The following NEB variants were observed in gnomAD, a reference collection of about 807,000 sequenced individuals.
NEB encodes the protein nebulin, also known as nemaline myopathy type 2.
A neutral mutation model predicts 952.2 loss-of-function variants in NEB; 512 were observed. That is an observed-to-expected ratio of 0.54 (90% CI 0.50 to 0.58). NEB has a LOEUF of 0.58. NEB is among the 20% of genes least tolerant of loss of function. The pLI, the probability that NEB is intolerant of heterozygous loss-of-function variation, is 0.00. For missense variants in NEB, 8,428 were observed against 9,231.1 expected, an observed-to-expected ratio of 0.91 and a Z score of 3.56; for synonymous variants, 2,900 against 3,149.8, an observed-to-expected ratio of 0.92 and a Z score of 2.66.
chr2:151,505,949 T>C, intron 164 of NEB: 1 of 587,254 alleles, frequency 1.7e-6, no homozygotes, highest in Non-Finnish European at 3.0e-6. Context: ...CACAAGCCTC[T>C]CTGTTTTTCA....
Position 151,490,467 on chromosome 2 carries a change from C to CT in NEB, c.25201dup (p.Ser8401LysfsTer6). 1.2e-6 allele frequency: 2 copies of CT among 1,608,560 alleles called. No individual in the cohort carries two copies. The highest frequency in any genetic ancestry group is 1.7e-6 in the Non-Finnish European group (2 of 1,177,594). ...AGACTTCTCCTCACCCCCACTGATG[C>CT]TTAGTGCACTGGCAGATCGTGACTG... On this transcript the variant is annotated frameshift_variant, in exon 180 of 182. Transcript: ENST00000397345. LOFTEE classifies it high-confidence loss of function.
At position 151,712,130 on chromosome 2, in the gene NEB, T is replaced by C. The variant is rs6723316; in HGVS notation, c.823-1592A>G. Among the ~76,000 whole-genome samples, 156 of 152,240 alleles carry C rather than the reference T, an allele frequency of 1.0e-3. 1 individual carries two copies. Among genetic ancestry groups the C allele is most frequent in the African/African-American group, 3.5e-3 (144 of 41,558 alleles). On this transcript the variant is annotated intron_variant, in intron 10 of 181. Transcript: ENST00000397345. ...GTTCTTGATGTACACATACCTCAGG[T>C]TAGGATCTCCTAATGCATCATTTTT...
At chr2:151,503,143 A>C in intron 166 of NEB, 1 of 593,610 alleles carries the variant, frequency 1.7e-6, no homozygotes. Flanking sequence ...TAGTATTTCA[A>C]ATCTAGTCAA....
intron 159 of NEB, 118 bp from the exon 160 acceptor site, chr2:151,513,811 C>T (rs1405278333): frequency 2.8e-6 from 2 of 717,616 alleles, no homozygotes; most frequent in Non-Finnish European, 4.7e-6. Flanking sequence ...GATAGTGTCG[C>T]TTGCTACTCT....
chr2:151,646,703 G>A (rs766044039), intron 54 of NEB, among the ~76,000 whole-genome samples: 4 of 152,196 alleles, frequency 2.6e-5, no homozygotes, highest in Non-Finnish European at 1.5e-5. Context: ...AGGCTGGAGT[G>A]CAATGGCGCA....
At chr2:151,617,654 T>A (rs1434889470) in intron 74 of NEB, among the ~76,000 whole-genome samples, 186 bp from the exon 75 acceptor site, 1 of 152,186 alleles carries the variant, frequency 6.6e-6, no homozygotes, top group African/African-American at 2.4e-5. Flanking sequence ...GTTAAAGGAC[T>A]TATCGGTTAT....
At chr2:151,534,096 C>G in intron 142 of NEB, 1 of 751,390 alleles carries the variant, frequency 1.3e-6, no homozygotes, top group Non-Finnish European at 2.2e-6. Flanking sequence ...TACTTTGAAA[C>G]AGAACAACCC....
chr2:151,635,217 TGTC>T (rs1402949957), intron 64 of NEB, among the ~76,000 whole-genome samples: 2 of 152,198 alleles, frequency 1.3e-5, no homozygotes, highest in African/African-American at 2.4e-5. Context: ...GTTATTATTA[TGTC>T]ATTATTTATT....
At position 151,562,640 on chromosome 2, in the gene NEB, C is replaced by A; in HGVS notation, c.18862G>T (p.Val6288Phe). 1 of 1,581,312 alleles carries A rather than the reference C, an allele frequency of 6.3e-7. No homozygotes were observed. The highest frequency in any genetic ancestry group is 8.7e-7 in the Non-Finnish European group (1 of 1,155,606). The change falls in exon 120 of 182, where the codon GTC becomes TTC. Residue 6288 changes from valine to phenylalanine, a missense_variant. By Grantham distance (50) the Val-to-Phe change is conservative. Around this residue, in one of 11 missense-constraint regions of NEB, gnomAD observed 3,374 missense variants for 3,651.5 expected, o/e 0.92. Transcript: ENST00000397345. ...CTCAAGATCTCCTGGGCGTTTCGGA[C>A]GCGTATAACATTGGGTTCTTCCAGA... Reference protein sequence around the residue: ...SLLEEPNVIRVRNAQEILSDN... With the variant: ...SLLEEPNVIRFRNAQEILSDN...
At position 151,498,244 on chromosome 2, in the gene NEB, T is replaced by C; in HGVS notation, c.24207+16A>G. On this transcript the variant is annotated intron_variant, in intron 170 of 181. Coordinates refer to ENST00000397345, the MANE Select transcript of NEB (RefSeq NM_001164508.2). Reference sequence around the variant, plus strand: ...TGAAGTTAAGTGGCATTTTTTCCCCTTTCTTTCCAAAATACCGAGCTAAGG... The same window carrying C: ...TGAAGTTAAGTGGCATTTTTTCCCCCTTCTTTCCAAAATACCGAGCTAAGG... 6.4e-7 allele frequency: 1 copy of C among 1,550,848 alleles called. No individual in the cohort carries two copies. Among genetic ancestry groups the C allele is most frequent in the African/African-American group, 1.4e-5 (1 of 73,146 alleles).
chr2:151,514,863 C>T lies in NEB; in HGVS notation c.22971G>A (p.Thr7657=), dbSNP rs750627350. Residue 7657 remains threonine (T), a synonymous_variant, in exon 158 of 182, where the codon ACG becomes ACA. Transcript: ENST00000397345. ...KGRNLTGLEV[T]PALLHVKYAT... ...CATATTTGACATGTAACAAAGCTGG[C>T]GTGACCTCCAGGCCAGTCAGGTTTC... The T allele has an allele frequency of 1.1e-5, 18 of 1,587,952 alleles. No individual in the cohort carries two copies. The highest frequency in any genetic ancestry group is 1.5e-5 in the Non-Finnish European group (17 of 1,165,712).
chr2:151,490,588 T>C, intron 179 of NEB, 70 bp from the exon 180 acceptor site: 1 of 1,526,720 alleles, frequency 6.5e-7, no homozygotes, highest in Non-Finnish European at 8.9e-7. Flanking sequence ...CTAACAGTGA[T>C]TGAATCTCAG....
chr2:151,537,919 G>T lies in NEB; in HGVS notation c.21055C>A (p.Arg7019Ser). 6.2e-7 allele frequency: 1 copy of T among 1,613,140 alleles called. No homozygotes were observed. The highest frequency in any genetic ancestry group is 1.1e-5 in the South Asian group (1 of 90,930). Reference sequence around the variant, plus strand: ...GCTCGGTGGTGGAAATGCTCTGGACGATCAGGAATGGACCTCCAGATACCC... The same window carrying T: ...GCTCGGTGGTGGAAATGCTCTGGACTATCAGGAATGGACCTCCAGATACCC... ...QLGIWRSIPDRPEHFHHRAVT... is the reference protein window; with the variant it reads ...QLGIWRSIPDSPEHFHHRAVT... The change falls in exon 140 of 182, where the codon CGT (arginine) becomes AGT (serine). Residue 7019 changes from arginine to serine, a missense_variant. Physicochemically the swap from Arg to Ser is moderately radical, Grantham distance 110. Coordinates refer to ENST00000397345, the MANE Select transcript of NEB (RefSeq NM_001164508.2).
chr2:151,697,235 T>C lies in NEB; in HGVS notation c.1383A>G (p.Glu461=), dbSNP rs903125703. 5 of 1,613,936 alleles carry C rather than the reference T, an allele frequency of 3.1e-6. No individual in the cohort carries two copies. Among genetic ancestry groups the C allele is most frequent in the Non-Finnish European group, 4.2e-6 (5 of 1,179,850 alleles). Residue 461 remains glutamate (E), a synonymous_variant, in exon 16 of 182, where the codon GAA becomes GAG. Transcript: ENST00000397345. The stretch of plus-strand genomic sequence containing the variant: ...AGCCTTTGCCTCTGTCTTCTTCGTA[T>C]TCTGCTTTGTAGTTTTTCTATGAGG... ...AQNSDKNYKA[E]YEEDRGKGFF...
rs376655029 is a variant in NEB at position 151,567,426 on chromosome 2, C to T, written c.17898G>A (p.Pro5966=). ...CCAGCTTAGGATCATCTCTCATCGTCGGGACACCAACATAATGACCTTTTT... is the reference window on the plus strand; with the variant it reads ...CCAGCTTAGGATCATCTCTCATCGTTGGGACACCAACATAATGACCTTTTT... ...VKQKGHYVGV[P]TMRDDPKLVW... is the part of the protein sequence containing the mutation. Residue 5966 remains proline (P), a synonymous_variant, in exon 114 of 182, where the codon CCG becomes CCA. Coordinates refer to ENST00000397345, the MANE Select transcript of NEB (RefSeq NM_001164508.2). 115 of 1,613,520 alleles carry T rather than the reference C, an allele frequency of 7.1e-5. No individual in the cohort carries two copies. The highest frequency in any genetic ancestry group is 6.3e-4 in the African/African-American group (47 of 75,018).
At chr2:151,668,592 T>C (rs1338776340) in intron 39 of NEB, among the ~76,000 whole-genome samples, 1 of 152,116 alleles carries the variant, frequency 6.6e-6, no homozygotes, top group Non-Finnish European at 1.5e-5. Flanking sequence ...TTACCACCAA[T>C]TAGATGTCTA....
rs974414435 is a variant in NEB at position 151,677,600 on chromosome 2, C to A, written c.3739G>T (p.Val1247Phe). 6.2e-7 allele frequency: 1 copy of A among 1,613,774 alleles called. No individual in the cohort carries two copies. The highest frequency in any genetic ancestry group is 1.3e-5 in the African/African-American group (1 of 74,902). Reference protein sequence around the residue: ...FTSIVDSPVMVQAKQNTKQVS... With the variant: ...FTSIVDSPVMFQAKQNTKQVS... Reference sequence around the variant, plus strand: ...TGCTTCGTGTTCTGTTTTGCCTGGACCATAACTGGGGAGTCCACAATGCTG... The same window carrying A: ...TGCTTCGTGTTCTGTTTTGCCTGGAACATAACTGGGGAGTCCACAATGCTG... The change falls in exon 34 of 182, where the codon GTC (valine) becomes TTC (phenylalanine). Residue 1247 changes from valine to phenylalanine, a missense_variant. This residue lies in a region of NEB where 2,851 missense variants were observed against 2,791.5 expected (regional missense o/e 1.02). Coordinates refer to ENST00000397345, the MANE Select transcript of NEB (RefSeq NM_001164508.2).
At chr2:151,683,691 T>C (rs77455721) in intron 28 of NEB, among the ~76,000 whole-genome samples, 1,954 of 152,296 alleles carry the variant, frequency 0.013, 23 homozygotes, top group Middle Eastern at 0.031. Context: ...AGCTACCATG[T>C]GATCCAACTA....
At chr2:151,706,669 C>G (rs1422856450) in intron 13 of NEB, among the ~76,000 whole-genome samples, 2 of 152,260 alleles carry the variant, frequency 1.3e-5, no homozygotes, top group East Asian at 1.9e-4. Flanking sequence ...ATTTCCCTGC[C>G]CATTGAATTA....
Sources: gnomAD v4.1 joint callset for allele counts (sites outside exome capture counted in the v4.1 genomes callset) on GRCh38, gnomAD v4.1.1 for gene constraint, gnomAD v4.1.1 regional missense constraint, MANE v1.5 for transcripts, NCBI Gene and HGNC (gene_info 2026-07-23, HGNC 2026-07-21) for gene names.